Variants in MEIOB observed in about 807,000 individuals in gnomAD.
MEIOB encodes the protein meiosis specific with OB-fold, also known as meiosis-specific with OB domain-containing protein.
A neutral mutation model predicts 53.1 loss-of-function variants in MEIOB; 50 were observed. The ratio of observed to expected loss-of-function variants is 0.94; its 90% CI spans 0.75 to 1.19. The LOEUF (loss-of-function observed/expected upper bound fraction) is 1.19, where lower values mean the gene tolerates loss of function less well. Ranked by LOEUF, MEIOB falls within the 50% of genes most tolerant of loss-of-function variation. The probability of loss-of-function intolerance (pLI) is 0.00; values close to 1 mark genes in which losing one functional copy is unlikely to be tolerated. For missense variants in MEIOB, 551 were observed against 550.8 expected (o/e 1.00, Z 0.00); for synonymous variants, 192 against 182.5 (o/e 1.05, Z -0.42).
At chr16:1,845,436 C>T (rs1899005134) in intron 9 of MEIOB, among the ~76,000 whole-genome samples, 1 of 152,010 alleles carries the variant, frequency 6.6e-6, no homozygotes, top group Non-Finnish European at 1.5e-5. Context: ...AGGAGACTGG[C>T]ATGAACCTGG....
intron 1 of MEIOB, among the ~76,000 whole-genome samples, chr16:1,870,124 A>T (rs1217264859): frequency 6.6e-6 from 1 of 151,446 alleles, no homozygotes; most frequent in Non-Finnish European, 1.5e-5. Context: ...CACCCGCATC[A>T]GCCTCCCAAA....
Position 1,841,939 on chromosome 16 carries a change from T to C in MEIOB, c.915A>G (p.Gln305=), listed in dbSNP as rs1031237647. The part of the protein sequence containing the change: ...STIVDVYTVE[Q]LKGKALKNEG... ...CATTCTTCAAAGCTTTTCCCTTTAA[T>C]TGTTCAACTGTGTAGACATCAACTA... The change falls in exon 11 of 14, where the codon CAA becomes CAG. Residue 305 remains glutamine (Q), a synonymous_variant. Coordinates refer to ENST00000325962, the MANE Select transcript of MEIOB (RefSeq NM_001163560.3). The C allele has an allele frequency of 5.0e-6, 8 of 1,608,200 alleles. No homozygotes were observed. Among genetic ancestry groups the C allele is most frequent in the Non-Finnish European group, 6.8e-6 (8 of 1,177,210 alleles).
chr16:1,846,483 T>C (rs1899029023), intron 9 of MEIOB, among the ~76,000 whole-genome samples: 1 of 152,102 alleles, frequency 6.6e-6, no homozygotes. Flanking sequence ...ATAAGGCAGG[T>C]GTAGCCCAGG....
Position 1,847,708 on chromosome 16 carries a change from T to A in MEIOB, c.779-2745A>T, listed in dbSNP as rs536228432. 4.6e-5 allele frequency among the ~76,000 whole-genome samples: 7 copies of A among 152,136 alleles called. No homozygotes were observed. In the South Asian group the frequency reaches 6.2e-4, roughly 14 times the overall value. On this transcript the variant is annotated intron_variant, in intron 9 of 13. Transcript: ENST00000325962. ...ATGACCTACTGATCAGAAAACAAAG[T>A]TCCCATATAAATCGGGCTGCCCTTG... is the stretch of plus-strand genomic sequence containing the variant.
At chr16:1,864,797 T>C (rs1465594021) in intron 3 of MEIOB, among the ~76,000 whole-genome samples, 1 of 152,196 alleles carries the variant, frequency 6.6e-6, no homozygotes, top group African/African-American at 2.4e-5. Context: ...AAAAACCGTG[T>C]ATTTCATTTT....
chr16:1,834,168 A>G lies in MEIOB; in HGVS notation c.*88T>C, dbSNP rs945960157. On this transcript the variant is annotated 3_prime_UTR_variant, in exon 14 of 14. Coordinates refer to ENST00000325962, the MANE Select transcript of MEIOB (RefSeq NM_001163560.3). ...GTTCACCACATGTAAACAAAATGCAATTTTCCCCATAATTTTCAAATTAAT... is the reference window on the plus strand; with the variant it reads ...GTTCACCACATGTAAACAAAATGCAGTTTTCCCCATAATTTTCAAATTAAT... 1.4e-6 allele frequency: 1 copy of G among 728,220 alleles called. No individual in the cohort carries two copies. The highest frequency in any genetic ancestry group is 2.3e-6 in the Non-Finnish European group (1 of 425,948). The allele number at this position is 728,220 out of a possible 1,614,324, so 45.1% of individuals were successfully genotyped here.
chr16:1,841,705 A>G, intron 11 of MEIOB, 115 bp downstream of exon 11: 1 of 662,560 alleles, frequency 1.5e-6, no homozygotes. Flanking sequence ...TTTATCTCCA[A>G]TACATAACCC....
intron 12 of MEIOB, among the ~76,000 whole-genome samples, chr16:1,838,683 A>G (rs62038409): frequency 0.18 from 27,044 of 151,684 alleles, 2,566 homozygotes; most frequent in South Asian, 0.27. Flanking sequence ...ATGTTTCCTT[A>G]GTGTTTTGTT....
At chr16:1,842,725 G>A (rs1210626016) in intron 10 of MEIOB, among the ~76,000 whole-genome samples, 4 of 150,596 alleles carry the variant, frequency 2.7e-5, no homozygotes, top group African/African-American at 7.3e-5. Flanking sequence ...GTGCAGTGGC[G>A]CGATCTCGGC....
chr16:1,852,706 C>T (rs1242995638), intron 9 of MEIOB, among the ~76,000 whole-genome samples: 5 of 152,008 alleles, frequency 3.3e-5, no homozygotes, highest in Admixed American at 2.0e-4. Flanking sequence ...CAGGCGCCCA[C>T]CACCAAGCCC....
chr16:1,834,153 T>G lies in MEIOB; in HGVS notation c.*103A>C. The G allele has an allele frequency of 1.5e-6, 1 of 673,612 alleles. No individual in the cohort carries two copies. Among genetic ancestry groups the G allele is most frequent in the South Asian group, 1.9e-5 (1 of 51,736 alleles). The allele number at this position is 673,612 out of a possible 1,614,324, so 41.7% of individuals were successfully genotyped here. The stretch of plus-strand genomic sequence containing the variant: ...AATTTCTAGAAACATGTTCACCACA[T>G]GTAAACAAAATGCAATTTTCCCCAT... On this transcript the variant is annotated 3_prime_UTR_variant, in exon 14 of 14. Transcript: ENST00000325962.
At chr16:1,850,195 T>C (rs1899129969) in intron 9 of MEIOB, among the ~76,000 whole-genome samples, 1 of 152,204 alleles carries the variant, frequency 6.6e-6, no homozygotes, top group Non-Finnish European at 1.5e-5. Flanking sequence ...GATCATCTTT[T>C]CCATCAGACA....
At chr16:1,848,097 G>A (rs1009003342) in intron 9 of MEIOB, among the ~76,000 whole-genome samples, 1 of 151,022 alleles carries the variant, frequency 6.6e-6, no homozygotes, top group African/African-American at 2.4e-5. Flanking sequence ...ACAGGCACGC[G>A]CCACCATGCC....
intron 11 of MEIOB, among the ~76,000 whole-genome samples, chr16:1,840,540 T>C (rs1898875247): frequency 2.8e-5 from 1 of 35,988 alleles, no homozygotes; most frequent in South Asian, 1.1e-3. Flanking sequence ...GGATCTCTCT[T>C]ATTATTATTT....
chr16:1,839,299 A>G lies in MEIOB; in HGVS notation c.1174T>C (p.Cys392Arg). The G allele has an allele frequency of 6.2e-7, 1 of 1,614,006 alleles. No individual in the cohort carries two copies. The highest frequency in any genetic ancestry group is 8.5e-7 in the Non-Finnish European group (1 of 1,179,980). Residue 392 changes from cysteine to arginine, a missense_variant, in exon 12 of 14, where the codon TGT becomes CGT. By Grantham distance (180) the Cys-to-Arg change is radical (BLOSUM62 -3). Coordinates refer to ENST00000325962, the MANE Select transcript of MEIOB (RefSeq NM_001163560.3). ...TCAGCAACACTTCCTGTGAGACTAC[A>G]GGAATGAAGGGTGCCTGTGTGATCA... Reference protein sequence around the residue: ...LTDHTGTLHSCSLTGSVAEET... With the variant: ...LTDHTGTLHSRSLTGSVAEET...
intron 13 of MEIOB, among the ~76,000 whole-genome samples, chr16:1,836,232 CTG>C (rs1898743063): frequency 6.6e-6 from 1 of 151,958 alleles, no homozygotes; most frequent in Non-Finnish European, 1.5e-5. Flanking sequence ...TTGTAAAATA[CTG>C]TGTTACCTAA....
In MEIOB at chr16:1,847,523, T is replaced by C. The variant is rs894345442; in HGVS notation, c.779-2560A>G. On this transcript the variant is annotated intron_variant, in intron 9 of 13. Transcript: ENST00000325962. ...CAAGCAAGGTGGCTCACACCTGTAA[T>C]CCTTCAGGAGGCTGAGGCAGGAGGA... Among the ~76,000 whole-genome samples, 3 of 148,650 alleles carry C rather than the reference T, an allele frequency of 2.0e-5. No homozygotes were observed. In the Admixed American group the frequency reaches 2.0e-4, roughly 10 times the overall value.
rs565430845 is a variant in MEIOB at position 1,837,494 on chromosome 16, T to C, written c.1305+290A>G. Among the ~76,000 whole-genome samples the C allele has an allele frequency of 3.7e-4, 57 of 152,250 alleles. 2 individuals are homozygous for C. In the South Asian group the frequency reaches 0.012, roughly 31 times the overall value. ...TAGCTGGGATTACAGGTGTGTACTATTGCACCCATCAGCTCTGATTTTAAA... is the reference window on the plus strand; with the variant it reads ...TAGCTGGGATTACAGGTGTGTACTACTGCACCCATCAGCTCTGATTTTAAA... On this transcript the variant is annotated intron_variant, in intron 13 of 13. Transcript: ENST00000325962.
chr16:1,854,183 G>C lies in MEIOB; in HGVS notation c.546C>G (p.Tyr182Ter). The change falls in exon 7 of 14, where the codon TAC becomes TAG. Residue 182 changes from tyrosine to a stop codon, truncating the protein, a stop_gained. Transcript: ENST00000325962. LOFTEE classifies it high-confidence loss of function. ...AAVKSVGEPK[Y>*]FTTSDRRKGQ... ...CTTTTCTCCGGTCTGAAGTTGTAAA[G>C]TATTTTGGCTCTCCAACCTTAGAAA... is the stretch of plus-strand genomic sequence containing the variant. 1 of 1,545,660 alleles carries C rather than the reference G, an allele frequency of 6.5e-7. No individual in the cohort carries two copies. Among genetic ancestry groups the C allele is most frequent in the Non-Finnish European group, 8.8e-7 (1 of 1,142,144 alleles).
Sources: gnomAD v4.1 joint callset for allele counts (sites outside exome capture counted in the v4.1 genomes callset) on GRCh38, gnomAD v4.1.1 for gene constraint, MANE v1.5 for transcripts, NCBI Gene and HGNC (gene_info 2026-07-23, HGNC 2026-07-21) for gene names.